ZNF385D: variants seen among roughly 807,000 people sequenced by gnomAD.
The protein encoded by ZNF385D is zinc finger protein 385D.
ZNF385D carries 15 observed loss-of-function variants against 35.8 expected under a neutral mutation model. The ratio of observed to expected loss-of-function variants is 0.42; its 90% CI spans 0.28 to 0.64. ZNF385D has a LOEUF of 0.64. Ranked by LOEUF, ZNF385D falls within the 30% of genes least tolerant of loss-of-function variation. ZNF385D has a pLI of 0.23. For synonymous variants in ZNF385D, 212 were observed against 186.8 expected (o/e 1.13, Z -1.10); for missense variants, 474 against 494.6 (o/e 0.96, Z 0.39).
chr3:21,570,402 G>T (rs901611639), intron 2 of ZNF385D, among the ~76,000 whole-genome samples: 1 of 152,168 alleles, frequency 6.6e-6, no homozygotes, highest in South Asian at 2.1e-4. Context: ...TAGGACTGTT[G>T]TATTTTCAGA....
At chr3:21,496,591 C>T (rs1705909983) in intron 4 of ZNF385D, among the ~76,000 whole-genome samples, 1 of 146,278 alleles carries the variant, frequency 6.8e-6, no homozygotes, top group African/African-American at 2.5e-5. Context: ...TATATACACA[C>T]ATATATATCT....
rs111483424 is a variant in ZNF385D, at chr3:21,905,601, T to C, written c.326-240573A>G. Among the ~76,000 whole-genome samples the C allele has an allele frequency of 9.2e-3, 1,392 of 152,008 alleles. 20 individuals carry two copies. Among genetic ancestry groups the C allele is most frequent in the African/African-American group, 0.032 (1,332 of 41,444 alleles). On this transcript the variant is annotated intron_variant, in intron 3 of 5. Transcript: ENST00000494108. ...GAAGTCCAGAGCATCAGAAATATTA[T>C]ATAAAATTTGGACATAAGGCTTAAA...
intron 3 of ZNF385D, among the ~76,000 whole-genome samples, chr3:21,967,242 T>C (rs901822480): frequency 2.9e-4 from 44 of 152,152 alleles, no homozygotes; most frequent in African/African-American, 9.6e-4. Flanking sequence ...AAGTAAATAA[T>C]TTCTGGTCTT....
chr3:21,729,379 C>A (rs2068897135), intron 1 of ZNF385D, among the ~76,000 whole-genome samples: 1 of 152,106 alleles, frequency 6.6e-6, no homozygotes, highest in African/African-American at 2.4e-5. Context: ...TAAGAAGCAA[C>A]ATTTATTTTA....
intron 3 of ZNF385D, among the ~76,000 whole-genome samples, chr3:22,147,747 A>G (rs1704951996): frequency 6.6e-6 from 1 of 152,162 alleles, no homozygotes; most frequent in African/African-American, 2.4e-5. Flanking sequence ...TTTCTCCACA[A>G]TGAAAGAGTT....
In ZNF385D at chr3:21,751,072, G is replaced by A. The variant is rs1347243001; in HGVS notation, c.-156C>T. ...AGAGCGTGCCTCCTCCGCGGGATGA[G>A]CGCCTTGCAGGCTGCCTTTCCAGGG... On this transcript the variant is annotated 5_prime_UTR_variant, in exon 1 of 8. Coordinates refer to ENST00000281523, the MANE Select transcript of ZNF385D (RefSeq NM_024697.3). 1 of 1,510,814 alleles carries A rather than the reference G, an allele frequency of 6.6e-7. No individual in the cohort carries two copies. Among genetic ancestry groups the A allele is most frequent in the African/African-American group, 1.4e-5 (1 of 72,192 alleles). 93.6% of individuals were successfully genotyped at this position (1,510,814 alleles called of 1,614,324 possible). A position where few individuals can be genotyped will look rare whatever the true frequency, so the allele number is the denominator to read the frequency against.
intron 3 of ZNF385D, among the ~76,000 whole-genome samples, chr3:22,045,270 G>A (rs1698917802): frequency 6.6e-6 from 1 of 151,948 alleles, no homozygotes; most frequent in African/African-American, 2.4e-5. Context: ...ATTTTTCAAT[G>A]GGGTGCAATA....
At chr3:21,865,831 A>G (rs1330744084) in intron 3 of ZNF385D, among the ~76,000 whole-genome samples, 2 of 152,126 alleles carry the variant, frequency 1.3e-5, no homozygotes. Flanking sequence ...TACTACTTCA[A>G]TACAACCAAA....
chr3:21,836,342 C>T (rs768493245), intron 3 of ZNF385D, among the ~76,000 whole-genome samples: 4 of 152,242 alleles, frequency 2.6e-5, no homozygotes, highest in Non-Finnish European at 5.9e-5. Flanking sequence ...CTCTCTTCCC[C>T]TCATCTCTTA....
chr3:21,977,234 A>G (rs1178547866), intron 3 of ZNF385D, among the ~76,000 whole-genome samples: 1 of 152,184 alleles, frequency 6.6e-6, no homozygotes, highest in African/African-American at 2.4e-5. Flanking sequence ...AATGGTAGTC[A>G]CACAGATATG....
At chr3:22,069,364 T>C (rs188596504) in intron 3 of ZNF385D, among the ~76,000 whole-genome samples, 27 of 152,294 alleles carry the variant, frequency 1.8e-4, no homozygotes, top group African/African-American at 5.8e-4. Flanking sequence ...ATGAGAAGGA[T>C]GCAGAATGCT....
intron 4 of ZNF385D, among the ~76,000 whole-genome samples, chr3:21,507,838 T>G (rs1706892968): frequency 6.6e-6 from 1 of 152,172 alleles, no homozygotes; most frequent in Non-Finnish European, 1.5e-5. Flanking sequence ...TTTGTTAGCC[T>G]AGATGCCTCA....
At chr3:21,899,346 A>G (rs1043841721) in intron 3 of ZNF385D, among the ~76,000 whole-genome samples, 5 of 152,138 alleles carry the variant, frequency 3.3e-5, no homozygotes, top group African/African-American at 1.2e-4. Flanking sequence ...TTCACGAGGA[A>G]GCAATAGTTT....
chr3:22,215,463 C>G (rs865949169), intron 2 of ZNF385D, among the ~76,000 whole-genome samples: 1 of 151,906 alleles, frequency 6.6e-6, no homozygotes, highest in Admixed American at 6.6e-5. Context: ...GGGCGGCCGT[C>G]TTTTATGGTC....
At chr3:21,770,868 A>G (rs1282076642) in intron 3 of ZNF385D, among the ~76,000 whole-genome samples, 1 of 152,200 alleles carries the variant, frequency 6.6e-6, no homozygotes, top group Non-Finnish European at 1.5e-5. Flanking sequence ...GATTGGATTA[A>G]GAAAATGTGG....
At chr3:21,440,580 C>T (rs1701810389) in intron 4 of ZNF385D, among the ~76,000 whole-genome samples, 1 of 151,974 alleles carries the variant, frequency 6.6e-6, no homozygotes, top group Admixed American at 6.6e-5. Flanking sequence ...AAAGAATGGG[C>T]TTTAGTTAAA....
At chr3:21,960,993 C>T (rs9809089) in intron 3 of ZNF385D, among the ~76,000 whole-genome samples, 104,036 of 151,902 alleles carry the variant, frequency 0.68, 36,781 homozygotes, top group Non-Finnish European at 0.77. Context: ...ATGATTTCTG[C>T]TGACCTGTGG....
intron 1 of ZNF385D, among the ~76,000 whole-genome samples, chr3:21,741,541 T>C (rs944580298): frequency 6.6e-6 from 1 of 152,040 alleles, no homozygotes; most frequent in East Asian, 1.9e-4. Flanking sequence ...AACAAGAGCG[T>C]CATAAGTTGT....
rs761696300 is a variant in ZNF385D, at chr3:21,750,947, T to C, written c.-31A>G. 2 of 1,613,988 alleles carry C rather than the reference T, an allele frequency of 1.2e-6. No homozygotes were observed. The highest frequency in any genetic ancestry group is 1.1e-5 in the South Asian group (1 of 91,074). Reference sequence around the variant, plus strand: ...AGACAGCTGGAATCCCACCGCGGTGTCTTCAGCATCAGCTCTCACCCAAGG... The same window carrying C: ...AGACAGCTGGAATCCCACCGCGGTGCCTTCAGCATCAGCTCTCACCCAAGG... On this transcript the variant is annotated 5_prime_UTR_variant, in exon 1 of 8. Transcript: ENST00000281523.
Sources: gnomAD v4.1 joint callset for allele counts (sites outside exome capture counted in the v4.1 genomes callset) on GRCh38, gnomAD v4.1.1 for gene constraint, MANE v1.5 for transcripts, NCBI Gene and HGNC (gene_info 2026-07-23, HGNC 2026-07-21) for gene names.